Variants in FBXO7 observed in about 807,000 individuals in gnomAD.
FBXO7 encodes F-box only protein 7.
Under a neutral mutation model 50.2 loss-of-function variants are expected in FBXO7, and 31 were observed. The ratio of observed to expected loss-of-function variants is 0.62; its 90% CI spans 0.46 to 0.83. The LOEUF is 0.83. FBXO7 is among the 40% of genes least tolerant of loss of function. The pLI is 0.00. For missense variants in FBXO7, 667 were observed against 646.6 expected (o/e 1.03, Z -0.34); for synonymous variants, 256 against 253.1 (o/e 1.01, Z -0.11).
intron 2 of FBXO7, 44 bp from the exon 3 acceptor site, chr22:32,483,853 A>G (rs746871091): frequency 1.7e-5 from 26 of 1,568,004 alleles, no homozygotes; most frequent in Non-Finnish European, 2.2e-5. Context: ...TATAGTGTAA[A>G]AATAAGTCTT....
intron 7 of FBXO7, among the ~76,000 whole-genome samples, chr22:32,495,159 C>T (rs763949690): frequency 1.3e-5 from 2 of 152,072 alleles, no homozygotes; most frequent in Non-Finnish European, 2.9e-5. Context: ...GGTGACACAC[C>T]TAAATGAGAT....
Position 32,479,289 on chromosome 22 carries a change from A to C in FBXO7, c.417+14A>C, listed in dbSNP as rs1220091035. The C allele has an allele frequency of 6.2e-7, 1 of 1,613,636 alleles. No individual in the cohort carries two copies. The highest frequency in any genetic ancestry group is 1.1e-5 in the South Asian group (1 of 91,076). On this transcript the variant is annotated intron_variant, in intron 2 of 8. Coordinates refer to ENST00000266087, the MANE Select transcript of FBXO7 (RefSeq NM_012179.4). ...GACGACAGTATGGTGGGTATTAAAC[A>C]CCAATATATCAAATAGAGTAGGTGA... is the stretch of plus-strand genomic sequence containing the variant.
chr22:32,487,398 G>A (rs1444896818), intron 4 of FBXO7: 6 of 184,758 alleles, frequency 3.2e-5, no homozygotes, highest in Non-Finnish European at 6.8e-5. Context: ...AATAAATGGA[G>A]TTTTTAGTGA....
intron 1 of FBXO7, chr22:32,478,281 A>T (rs1568971636): frequency 6.6e-6 from 1 of 152,564 alleles, no homozygotes; most frequent in Non-Finnish European, 1.5e-5. Context: ...GATGTGATCT[A>T]ATTTGTATTT....
chr22:32,475,575 A>C lies in FBXO7; in HGVS notation c.122+451A>C, dbSNP rs939984521. The C allele has an allele frequency of 2.5e-5, 21 of 833,046 alleles. No homozygotes were observed. The African/African-American group carries it at 2.7e-4, about 11-fold the overall frequency. 51.6% of individuals were successfully genotyped at this position (833,046 alleles called of 1,614,324 possible). On this transcript the variant is annotated intron_variant, in intron 1 of 8. Coordinates refer to ENST00000266087, the MANE Select transcript of FBXO7 (RefSeq NM_012179.4). ...AGCTGTTGGAGTATTTCAATGAAAA[A>C]GTTTGGAAATTGCTAGAAGTTAAAA... is the stretch of plus-strand genomic sequence containing the variant.
chr22:32,485,759 G>A (rs5754111), intron 4 of FBXO7, among the ~76,000 whole-genome samples: 98,406 of 151,890 alleles, frequency 0.65, 32,257 homozygotes, highest in African/African-American at 0.75. Flanking sequence ...CACTCTGTAT[G>A]AATAACTTTT....
chr22:32,494,265 C>A (rs1269650309), intron 7 of FBXO7, among the ~76,000 whole-genome samples: 1 of 151,826 alleles, frequency 6.6e-6, no homozygotes, highest in Non-Finnish European at 1.5e-5. Flanking sequence ...TTTATTTATG[C>A]CCCTGAATTT....
chr22:32,486,706 A>G lies in FBXO7; in HGVS notation c.788-1039A>G, dbSNP rs576129438. On this transcript the variant is annotated intron_variant, in intron 4 of 8. Transcript: ENST00000266087. Reference sequence around the variant, plus strand: ...ATTTAAAAGTCTCAAAACTAGGTTTAATAGCTTTGGTGGTACTTCACATTT... The same window carrying G: ...ATTTAAAAGTCTCAAAACTAGGTTTGATAGCTTTGGTGGTACTTCACATTT... 8.5e-5 allele frequency among the ~76,000 whole-genome samples: 13 copies of G among 152,322 alleles called. 1 individual carries two copies. The South Asian group carries it at 2.5e-3, about 29-fold the overall frequency.
intron 4 of FBXO7, among the ~76,000 whole-genome samples, chr22:32,486,744 C>CT (rs1282119048): frequency 4.6e-5 from 7 of 152,098 alleles, no homozygotes; most frequent in Non-Finnish European, 1.0e-4. Context: ...CAGGACATGA[C>CT]TGTCTGATGA....
chr22:32,484,541 T>C (rs1411086787), intron 3 of FBXO7, among the ~76,000 whole-genome samples: 1 of 152,162 alleles, frequency 6.6e-6, no homozygotes, highest in East Asian at 1.9e-4. Context: ...GAAATTAGGA[T>C]ATAAAAATAT....
At chr22:32,478,931 G>C (rs779292545) in intron 1 of FBXO7, 50 bp from the exon 2 acceptor site, 1 of 1,510,974 alleles carries the variant, frequency 6.6e-7, no homozygotes, top group African/African-American at 1.4e-5. Flanking sequence ...TGCTATTGAA[G>C]GTATTAGAAG....
At chr22:32,485,648 A>C (rs2057493805) in intron 4 of FBXO7, among the ~76,000 whole-genome samples, 1 of 152,140 alleles carries the variant, frequency 6.6e-6, no homozygotes, top group African/African-American at 2.4e-5. Flanking sequence ...CATTTATCCA[A>C]GTTGGCATCC....
At chr22:32,478,935 T>TTTC in intron 1 of FBXO7, 46 bp from the exon 2 acceptor site, 1 of 1,549,320 alleles carries the variant, frequency 6.5e-7, no homozygotes, top group Non-Finnish European at 8.9e-7. Flanking sequence ...ATTGAAGGTA[T>TTTC]TAGAAGTAGG....
chr22:32,489,329 T>G (rs1020749537), intron 5 of FBXO7: 3 of 152,242 alleles, frequency 2.0e-5, no homozygotes, highest in African/African-American at 7.2e-5. Flanking sequence ...TTTTTGCCCC[T>G]GTTGGAAATG....
rs77881174 is a variant in FBXO7 at position 32,498,038 on chromosome 22, T to G, written c.1183-106T>G. The G allele has an allele frequency of 0.04, 50,026 of 1,262,220 alleles. 1,280 individuals are homozygous for G. Among genetic ancestry groups the G allele is most frequent in the Non-Finnish European group, 0.047 (41,057 of 878,744 alleles). 78.2% of individuals were successfully genotyped at this position (1,262,220 alleles called of 1,614,324 possible). ...GGTTTGGGACTAAATCCACAATATG[T>G]CTGAGGTGTGCCTATAGATCTTTAC... On this transcript the variant is annotated intron_variant, in intron 8 of 8. Transcript: ENST00000266087.
In FBXO7 at chr22:32,498,131, C is replaced by CT; in HGVS notation, c.1183-7dup. The stretch of plus-strand genomic sequence containing the variant: ...TACCTTATCTTGTTCTTTTATTTTT[C>CT]TTTTTTCTACAGCTGTACAGGAAGA... On this transcript the variant is annotated splice_polypyrimidine_tract_variant and intron_variant, in intron 8 of 8. Coordinates refer to ENST00000266087, the MANE Select transcript of FBXO7 (RefSeq NM_012179.4). 1.2e-6 allele frequency: 2 copies of CT among 1,613,804 alleles called. No individual in the cohort carries two copies. Among genetic ancestry groups the CT allele is most frequent in the Non-Finnish European group, 8.5e-7 (1 of 1,179,840 alleles).
chr22:32,495,364 G>A (rs2057566518), intron 7 of FBXO7, 129 bp from the exon 8 acceptor site: 9 of 588,822 alleles, frequency 1.5e-5, no homozygotes, highest in Non-Finnish European at 2.7e-5. Context: ...TATATAAATG[G>A]TTAGTTTTTT....
At position 32,493,294 on chromosome 22, in the gene FBXO7, A is replaced by G. The variant is rs2057550686; in HGVS notation, c.1144+13A>G. On this transcript the variant is annotated intron_variant, in intron 7 of 8. Transcript: ENST00000266087. ...CGTGATTTTCGAGGTGATTTCCGTA[A>G]TGACATATTCACAAGAAAGGGCTCT... 1 of 1,611,566 alleles carries G rather than the reference A, an allele frequency of 6.2e-7. No individual in the cohort carries two copies. The highest frequency in any genetic ancestry group is 8.5e-7 in the Non-Finnish European group (1 of 1,177,736).
chr22:32,498,256 G>A lies in FBXO7; in HGVS notation c.1295G>A (p.Arg432Lys). The change falls in exon 9 of 9, where the codon AGG becomes AAG. Residue 432 changes from arginine to lysine, a missense_variant. Coordinates refer to ENST00000266087, the MANE Select transcript of FBXO7 (RefSeq NM_012179.4). ...IPFYPNPLHP[R>K]PFPSSRLPPG... ...TTCTATCCCAACCCCTTGCACCCTAGGCCATTTCCTAGCTCCCGCCTTCCT... is the reference window on the plus strand; with the variant it reads ...TTCTATCCCAACCCCTTGCACCCTAAGCCATTTCCTAGCTCCCGCCTTCCT... 1 of 1,614,144 alleles carries A rather than the reference G, an allele frequency of 6.2e-7. No individual in the cohort carries two copies. Among genetic ancestry groups the A allele is most frequent in the Non-Finnish European group, 8.5e-7 (1 of 1,180,030 alleles).
Sources: gnomAD v4.1 joint callset for allele counts (sites outside exome capture counted in the v4.1 genomes callset) on GRCh38, gnomAD v4.1.1 for gene constraint, MANE v1.5 for transcripts, NCBI Gene and HGNC (gene_info 2026-07-23, HGNC 2026-07-21) for gene names.